The following FBXO42 variants were observed in gnomAD, a reference collection of about 807,000 sequenced individuals.
FBXO42 encodes the protein F-box only protein 42.
Under a neutral mutation model 71.7 loss-of-function variants are expected in FBXO42, and 12 were observed. The ratio of observed to expected loss-of-function variants is 0.17; its 90% CI spans 0.11 to 0.27. FBXO42 has a LOEUF of 0.27. FBXO42 is among the 10% of genes least tolerant of loss of function. The pLI, the probability that FBXO42 is intolerant of heterozygous loss-of-function variation, is 1.00. For missense variants in FBXO42, 707 were observed against 911.9 expected (o/e 0.78, Z 2.89); for synonymous variants, 325 against 327.5 (o/e 0.99, Z 0.08).
intron 1 of FBXO42, among the ~76,000 whole-genome samples, chr1:16,336,830 C>CA (rs1259651411): frequency 6.6e-6 from 1 of 151,732 alleles, no homozygotes; most frequent in African/African-American, 2.4e-5. Flanking sequence ...CTAAAAAATA[C>CA]AAAAAATAGC....
intron 1 of FBXO42, among the ~76,000 whole-genome samples, chr1:16,344,503 T>G (rs1250537407): frequency 6.9e-6 from 1 of 145,866 alleles, no homozygotes; most frequent in Non-Finnish European, 1.5e-5. Context: ...TTTTTTTTTT[T>G]TTTGTATTTT....
intron 4 of FBXO42, among the ~76,000 whole-genome samples, chr1:16,278,718 A>C (rs778223820): frequency 5.9e-5 from 9 of 152,142 alleles, no homozygotes; most frequent in Non-Finnish European, 8.8e-5. Context: ...TATCATTTAC[A>C]CTGTAAAAGA....
chr1:16,334,956 G>A (rs2100617001), intron 1 of FBXO42, among the ~76,000 whole-genome samples: 1 of 150,112 alleles, frequency 6.7e-6, no homozygotes, highest in East Asian at 2.0e-4. Flanking sequence ...GCCACGCGCA[G>A]TGGTTCACAC....
intron 1 of FBXO42, among the ~76,000 whole-genome samples, chr1:16,340,181 A>AC (rs1273456994): frequency 6.6e-6 from 1 of 152,084 alleles, no homozygotes; most frequent in Non-Finnish European, 1.5e-5. Flanking sequence ...AGTCTCAAAA[A>AC]AAAAAAAGTA....
chr1:16,284,326 T>C (rs1374928237), intron 4 of FBXO42, among the ~76,000 whole-genome samples: 1 of 152,178 alleles, frequency 6.6e-6, no homozygotes, highest in Non-Finnish European at 1.5e-5. Context: ...ATCCACTGCA[T>C]CTACCCACTC....
At position 16,267,317 on chromosome 1, in the gene FBXO42, T is replaced by C. The variant is rs550360220; in HGVS notation, c.503-10558A>G. On this transcript the variant is annotated intron_variant, in intron 4 of 9. Transcript: ENST00000375592. Reference sequence around the variant, plus strand: ...TTTAAAGAAAGAAATAGGAAGTAAATACAAAGTTACAGAACCTCTAAACTC... The same window carrying C: ...TTTAAAGAAAGAAATAGGAAGTAAACACAAAGTTACAGAACCTCTAAACTC... 2.0e-5 allele frequency among the ~76,000 whole-genome samples: 3 copies of C among 152,228 alleles called. No individual in the cohort carries two copies. In the East Asian group the frequency reaches 5.8e-4, roughly 29 times the overall value.
At chr1:16,339,292 C>G (rs921577944) in intron 1 of FBXO42, among the ~76,000 whole-genome samples, 3 of 152,052 alleles carry the variant, frequency 2.0e-5, no homozygotes, top group African/African-American at 7.2e-5. Flanking sequence ...CAATGTCACA[C>G]TATTTCATAT....
chr1:16,345,254 T>G (rs1459767877), intron 1 of FBXO42, among the ~76,000 whole-genome samples: 1 of 149,846 alleles, frequency 6.7e-6, no homozygotes, highest in African/African-American at 2.5e-5. Context: ...ATACCCCATC[T>G]CTACTAAAAA....
intron 1 of FBXO42, among the ~76,000 whole-genome samples, chr1:16,326,058 G>A (rs2082447502): frequency 6.6e-6 from 1 of 151,476 alleles, no homozygotes; most frequent in South Asian, 2.1e-4. Context: ...GTCTGTGTGT[G>A]TCTGTGTGTG....
chr1:16,307,830 A>G (rs2082268225), intron 2 of FBXO42, among the ~76,000 whole-genome samples: 1 of 152,236 alleles, frequency 6.6e-6, no homozygotes, highest in South Asian at 2.1e-4. Context: ...TAGGATAAGA[A>G]GACTCAATAT....
intron 1 of FBXO42, among the ~76,000 whole-genome samples, chr1:16,332,618 G>A (rs4661738): frequency 0.26 from 38,986 of 150,270 alleles, 5,796 homozygotes; most frequent in Non-Finnish European, 0.34. Flanking sequence ...TCAGCTCACT[G>A]CAACCCCCGT....
At chr1:16,315,115 A>C (rs1426099097) in intron 2 of FBXO42, 54 bp downstream of exon 2, 2 of 1,540,960 alleles carry the variant, frequency 1.3e-6, no homozygotes, top group African/African-American at 1.4e-5. Context: ...GAGTCTAAAA[A>C]TAAATCAGTG....
chr1:16,319,702 G>A (rs1007292238), intron 1 of FBXO42, among the ~76,000 whole-genome samples: 3 of 151,880 alleles, frequency 2.0e-5, no homozygotes, highest in African/African-American at 7.3e-5. Context: ...CACGAGCTCG[G>A]GAGTTCGAGA....
At chr1:16,323,660 T>C (rs1378933830) in intron 1 of FBXO42, among the ~76,000 whole-genome samples, 1 of 148,094 alleles carries the variant, frequency 6.8e-6, no homozygotes, top group Non-Finnish European at 1.5e-5. Context: ...CGTGGTGGTG[T>C]GCACCTGTAA....
At chr1:16,308,423 T>C (rs148688138) in intron 2 of FBXO42, among the ~76,000 whole-genome samples, 60 of 151,802 alleles carry the variant, frequency 4.0e-4, no homozygotes, top group Non-Finnish European at 7.2e-4. Context: ...TTCGAGGCTG[T>C]AGTGCACAAT....
At chr1:16,291,880 C>A (rs1389833934) in intron 4 of FBXO42, among the ~76,000 whole-genome samples, 1 of 152,200 alleles carries the variant, frequency 6.6e-6, no homozygotes, top group Non-Finnish European at 1.5e-5. Flanking sequence ...CTATGTTACC[C>A]AGGCTGGTCT....
At chr1:16,304,874 C>G (rs1343804193) in intron 3 of FBXO42, among the ~76,000 whole-genome samples, 3 of 151,994 alleles carry the variant, frequency 2.0e-5, no homozygotes, top group Non-Finnish European at 4.4e-5. Flanking sequence ...GAGGCTGAGG[C>G]AGGAGAATCA....
intron 1 of FBXO42, among the ~76,000 whole-genome samples, chr1:16,347,779 G>A (rs2082664448): frequency 6.6e-6 from 1 of 152,114 alleles, no homozygotes; most frequent in South Asian, 2.1e-4. Context: ...CACGAGGTCT[G>A]GAAATCGAGA....
intron 1 of FBXO42, among the ~76,000 whole-genome samples, chr1:16,326,038 G>GTGTGTGTGTGTGTGTGTGTGTGTC (rs1441951943): frequency 1.2e-3 from 179 of 146,938 alleles, no homozygotes; most frequent in Non-Finnish European, 2.1e-3. Flanking sequence ...GTGTGTGTGT[G>GTGTGTGTGTGTGTGTGTGTGTGTC]TGTGTGTGTG....
Sources: gnomAD v4.1 joint callset for allele counts (sites outside exome capture counted in the v4.1 genomes callset) on GRCh38, gnomAD v4.1.1 for gene constraint, MANE v1.5 for transcripts, NCBI Gene and HGNC (gene_info 2026-07-23, HGNC 2026-07-21) for gene names.